The following RNF19B variants were observed in gnomAD, a reference collection of about 807,000 sequenced individuals.
RNF19B encodes ring finger protein 19B.
In RNF19B, 23 loss-of-function variants were observed where a neutral mutation model predicts 65.5. That is an observed-to-expected ratio of 0.35 (90% CI 0.25 to 0.50). The LOEUF is 0.50. RNF19B is among the 20% of genes least tolerant of loss of function. The pLI is 0.98. For synonymous variants in RNF19B, 372 were observed against 379.6 expected (o/e 0.98, Z 0.23); for missense variants, 794 against 980.0 (o/e 0.81, Z 2.53).
downstream of RNF19B, among the ~76,000 whole-genome samples, chr1:32,933,254 ATTATT>A (rs1642049167): frequency 1.5e-5 from 2 of 137,136 alleles, no homozygotes; most frequent in Admixed American, 8.0e-5. Context: ...AGCTATTATT[ATTATT>A]TTTTTTTTTT....
At chr1:32,963,954 T>A in intron 1 of RNF19B, 97 bp downstream of exon 1, 1 of 1,350,930 alleles carries the variant, frequency 7.4e-7, no homozygotes, top group Non-Finnish European at 9.5e-7. Context: ...GCCTTGCGGG[T>A]TTCCCTGCTT....
At chr1:32,961,716 C>T (rs537491426) in intron 1 of RNF19B, among the ~76,000 whole-genome samples, 1 of 152,042 alleles carries the variant, frequency 6.6e-6, no homozygotes, top group African/African-American at 2.4e-5. Context: ...CTGGAGGATA[C>T]TAACATAATA....
chr1:32,944,988 A>G (rs866715478), intron 5 of RNF19B, among the ~76,000 whole-genome samples: 4 of 152,050 alleles, frequency 2.6e-5, no homozygotes, highest in Non-Finnish European at 5.9e-5. Context: ...GCGCCCAGCC[A>G]ATTACTGCAC....
intron 5 of RNF19B, 99 bp downstream of exon 5, chr1:32,945,415 G>A (rs1467490759): frequency 9.9e-6 from 7 of 707,332 alleles, no homozygotes; most frequent in South Asian, 1.8e-5. Context: ...AGGTGGGTTC[G>A]CATAAAATGT....
At chr1:32,939,424 G>A (rs1642181095) in intron 7 of RNF19B, among the ~76,000 whole-genome samples, 1 of 152,086 alleles carries the variant, frequency 6.6e-6, no homozygotes, top group Non-Finnish European at 1.5e-5. Flanking sequence ...TAAACCTCAG[G>A]TGATCACCCA....
Position 32,956,174 on chromosome 1 carries a change from T to C in RNF19B, c.636-6400A>G, listed in dbSNP as rs150637039. Among the ~76,000 whole-genome samples the C allele has an allele frequency of 6.8e-3, 1,038 of 152,124 alleles. 6 individuals carry two copies. The highest frequency in any genetic ancestry group is 0.011 in the Non-Finnish European group (776 of 67,980). On this transcript the variant is annotated intron_variant, in intron 1 of 8. Transcript: ENST00000235150. Reference sequence around the variant, plus strand: ...TGAGGTCAGGAGTTCGAGACCAGCCTGGCCAACCTGACAAAACCCCTCTCT... The same window carrying C: ...TGAGGTCAGGAGTTCGAGACCAGCCCGGCCAACCTGACAAAACCCCTCTCT...
chr1:32,933,813 C>G (rs1642058093), downstream of RNF19B, among the ~76,000 whole-genome samples: 1 of 152,166 alleles, frequency 6.6e-6, no homozygotes, highest in African/African-American at 2.4e-5. Context: ...TTCACAACCC[C>G]TTAACTAGGA....
chr1:32,929,860 G>A, the RNF19B span, among the ~76,000 whole-genome samples: 1 of 152,064 alleles, frequency 6.6e-6, no homozygotes, highest in Non-Finnish European at 1.5e-5. Context: ...CTTGGCCACT[G>A]GCACTGCAGG....
At position 32,944,294 on chromosome 1, in the gene RNF19B, C is replaced by G. The variant is rs781457155; in HGVS notation, c.1262-135G>C. 6 of 914,870 alleles carry G rather than the reference C, an allele frequency of 6.6e-6. No homozygotes were observed. In the African/African-American group the frequency reaches 8.4e-5, roughly 13 times the overall value. The allele number at this position is 914,870 out of a possible 1,614,324, so 56.7% of individuals were successfully genotyped here. On this transcript the variant is annotated intron_variant, in intron 5 of 8. Coordinates refer to ENST00000235150, the MANE Select transcript of RNF19B (RefSeq NM_001300826.2). ...AAAGTGGCTATCCCAAAAAGGTGGCCTGGTGTAACAGAATGATGACCAGGC... is the reference window on the plus strand; with the variant it reads ...AAAGTGGCTATCCCAAAAAGGTGGCGTGGTGTAACAGAATGATGACCAGGC...
intron 8 of RNF19B, among the ~76,000 whole-genome samples, chr1:32,937,602 G>A (rs1439619712): frequency 2.6e-5 from 4 of 152,004 alleles, no homozygotes; most frequent in African/African-American, 9.7e-5. Flanking sequence ...CCAGCTACTC[G>A]GGAGGCTGAG....
At chr1:32,960,719 G>A (rs1476876431) in intron 1 of RNF19B, among the ~76,000 whole-genome samples, 1 of 151,996 alleles carries the variant, frequency 6.6e-6, no homozygotes, top group Non-Finnish European at 1.5e-5. Context: ...TTTTTTTCCT[G>A]GCATTAAAAA....
At chr1:32,945,687 GA>G in intron 4 of RNF19B, 59 bp from the exon 5 acceptor site, 3 of 952,350 alleles carry the variant, frequency 3.2e-6, no homozygotes, top group Non-Finnish European at 5.0e-6. Flanking sequence ...TTTTGCCAGA[GA>G]AAAAAAGGAC....
intron 1 of RNF19B, among the ~76,000 whole-genome samples, chr1:32,960,770 GA>G (rs1322101959): frequency 6.6e-6 from 1 of 152,142 alleles, no homozygotes; most frequent in African/African-American, 2.4e-5. Context: ...GCCAAGGCGG[GA>G]AAACAGCTTG....
At chr1:32,949,211 C>A (rs1303240716) in intron 2 of RNF19B, among the ~76,000 whole-genome samples, 1 of 152,164 alleles carries the variant, frequency 6.6e-6, no homozygotes, top group Non-Finnish European at 1.5e-5. Flanking sequence ...AGCTTGAAGG[C>A]AAACAGCACA....
intron 1 of RNF19B, among the ~76,000 whole-genome samples, chr1:32,953,181 C>T (rs566426204): frequency 6.6e-6 from 1 of 151,366 alleles, no homozygotes; most frequent in East Asian, 1.9e-4. Flanking sequence ...GCTATGTTGC[C>T]CAGGCTGGTC....
chr1:32,952,484 T>TA (rs1642530734), intron 1 of RNF19B, among the ~76,000 whole-genome samples: 1 of 142,264 alleles, frequency 7.0e-6, no homozygotes, highest in East Asian at 2.0e-4. Flanking sequence ...GGCTCACACC[T>TA]GTAATCCCAG....
downstream of RNF19B, among the ~76,000 whole-genome samples, chr1:32,931,448 A>C (rs1003704462): frequency 1.3e-5 from 2 of 152,170 alleles, no homozygotes; most frequent in Non-Finnish European, 2.9e-5. Flanking sequence ...AGAACCAGCC[A>C]TATCTATAAG....
At chr1:32,949,838 T>G in intron 1 of RNF19B, 64 bp from the exon 2 acceptor site, 3 of 1,286,870 alleles carry the variant, frequency 2.3e-6, no homozygotes, top group Non-Finnish European at 3.3e-6. Context: ...AGAGACATTA[T>G]TCATCAGAGT....
At position 32,948,190 on chromosome 1, in the gene RNF19B, T is replaced by C. The variant is rs770959736; in HGVS notation, c.983+32A>G. ...CCCTAAATCAGTAAGAGAATGAGAC[T>C]ACGAAAGGAATGGATGCATTTCCCA... is the stretch of plus-strand genomic sequence containing the variant. On this transcript the variant is annotated intron_variant, in intron 3 of 8. Coordinates refer to ENST00000235150, the MANE Select transcript of RNF19B (RefSeq NM_001300826.2). 12 of 1,608,532 alleles carry C rather than the reference T, an allele frequency of 7.5e-6. No homozygotes were observed. The East Asian group carries it at 2.0e-4, about 27-fold the overall frequency.
Sources: gnomAD v4.1 joint callset for allele counts (sites outside exome capture counted in the v4.1 genomes callset) on GRCh38, gnomAD v4.1.1 for gene constraint, MANE v1.5 for transcripts, NCBI Gene and HGNC (gene_info 2026-07-23, HGNC 2026-07-21) for gene names.